The following FN1 variants were observed in gnomAD, a reference collection of about 807,000 sequenced individuals.
The protein encoded by FN1 is fibronectin.
In FN1, 106 loss-of-function variants were observed where a neutral mutation model predicts 297.3. That is an observed-to-expected ratio of 0.36 (90% CI 0.30 to 0.42). The LOEUF (loss-of-function observed/expected upper bound fraction) is 0.42, where lower values mean the gene tolerates loss of function less well. Ranked by LOEUF, FN1 falls within the 10% of genes least tolerant of loss-of-function variation. The pLI, the probability that FN1 is intolerant of heterozygous loss-of-function variation, is 1.00. For synonymous variants in FN1, 1,149 were observed against 1,152.6 expected (o/e 1.00, Z 0.06); for missense variants, 2,690 against 3,124.9 (o/e 0.86, Z 3.32).
At chr2:215,364,699 A>G (rs1233763266) in intron 44 of FN1, 180 bp downstream of exon 44, 3 of 633,558 alleles carry the variant, frequency 4.7e-6, no homozygotes, top group East Asian at 5.5e-5. Context: ...AATGAATGGC[A>G]TGTAAGGTAG....
chr2:215,384,216 G>A (rs768394380), intron 29 of FN1, 32 bp from the exon 30 acceptor site: 15 of 1,608,718 alleles, frequency 9.3e-6, no homozygotes, highest in African/African-American at 1.3e-5. Context: ...CAGAGTGTGA[G>A]GGGTTTAGAG....
At position 215,379,250 on chromosome 2, in the gene FN1, T is replaced by G. The variant is rs1273122061; in HGVS notation, c.5502A>C (p.Thr1834=). 6 of 1,614,038 alleles carry G rather than the reference T, an allele frequency of 3.7e-6. No homozygotes were observed. The highest frequency in any genetic ancestry group is 1.1e-5 in the South Asian group (1 of 91,080). Residue 1834 remains threonine (T), a synonymous_variant, in exon 34 of 46, where the codon ACA becomes ACC. Coordinates refer to ENST00000354785, the MANE Select transcript of FN1 (RefSeq NM_212482.4). ...ATCCAGTGAGCTGAACATTGGGTGG[T>G]GTCCACTGGGCGCTCAGGCTTGTGG... is the stretch of plus-strand genomic sequence containing the variant. ...VTPTSLSAQW[T]PPNVQLTGYR...
At chr2:215,433,536 G>A in intron 2 of FN1, 75 bp from the exon 3 acceptor site, 1 of 1,439,200 alleles carries the variant, frequency 6.9e-7, no homozygotes, top group Non-Finnish European at 9.6e-7. Flanking sequence ...CCCTCTAAAG[G>A]AAAACCCACT....
intron 17 of FN1, 150 bp downstream of exon 17, chr2:215,407,958 A>ACC: frequency 1.1e-5 from 1 of 92,288 alleles, no homozygotes; most frequent in South Asian, 2.1e-4. Context: ...CCCCCGCCAC[A>ACC]CACACACACA....
At position 215,396,989 on chromosome 2, in the gene FN1, A is replaced by G. The variant is rs1575529504; in HGVS notation, c.3604+148T>C. On this transcript the variant is annotated intron_variant, in intron 23 of 45. Transcript: ENST00000354785. The stretch of plus-strand genomic sequence containing the variant: ...AAAGCATCCTGCAGGCTGCTCCATG[A>G]TGTACATCATGTACTGCTATAGTTT... 4.1e-6 allele frequency: 3 copies of G among 737,502 alleles called. No homozygotes were observed. In the East Asian group the frequency reaches 7.5e-5, roughly 18 times the overall value. 45.7% of individuals were successfully genotyped at this position (737,502 alleles called of 1,614,324 possible).
At chr2:215,410,671 C>T (rs537412440) in intron 13 of FN1, among the ~76,000 whole-genome samples, 2 of 152,172 alleles carry the variant, frequency 1.3e-5, no homozygotes, top group African/African-American at 4.8e-5. Flanking sequence ...CCATGCCTGG[C>T]TAATTTTATA....
Position 215,431,849 on chromosome 2 carries a change from C to A in FN1, c.531G>T (p.Trp177Cys). The A allele has an allele frequency of 6.2e-7, 1 of 1,614,162 alleles. No homozygotes were observed. The highest frequency in any genetic ancestry group is 8.5e-7 in the Non-Finnish European group (1 of 1,180,026). The stretch of plus-strand genomic sequence containing the variant: ...CTCACACACCTATGGGCTTGCAGGT[C>A]CATTCTCCTTTTCCATTACCAAGAC... ...CVCLGNGKGE[W>C]TCKPIAEKCF... The change falls in exon 4 of 46, where the codon TGG (tryptophan) becomes TGT (cysteine). Residue 177 changes from tryptophan to cysteine, a missense_variant. By Grantham distance (215) the Trp-to-Cys change is radical (BLOSUM62 -2). This residue lies in a region of FN1 where 876 missense variants were observed against 1,058.1 expected (regional missense o/e 0.83). Transcript: ENST00000354785.
At chr2:215,384,760 G>T in intron 29 of FN1, 100 bp downstream of exon 29, 2 of 856,598 alleles carry the variant, frequency 2.3e-6, no homozygotes, top group Non-Finnish European at 4.0e-6. Flanking sequence ...GAATGGACTT[G>T]CCAAAGTTTC....
intron 28 of FN1, among the ~76,000 whole-genome samples, chr2:215,385,463 G>A (rs1482763560): frequency 6.6e-6 from 1 of 151,306 alleles, no homozygotes; most frequent in South Asian, 2.1e-4. Flanking sequence ...TTGGGAGGCT[G>A]AGGCAAGAGA....
In FN1 at chr2:215,365,399, C is replaced by T. The variant is rs959581390; in HGVS notation, c.7144+106G>A. The T allele has an allele frequency of 8.9e-6, 11 of 1,234,840 alleles. No individual in the cohort carries two copies. The African/African-American group carries it at 1.0e-4, about 12-fold the overall frequency. 76.5% of individuals were successfully genotyped at this position (1,234,840 alleles called of 1,614,324 possible). A position where few individuals can be genotyped will look rare whatever the true frequency, so the allele number is the denominator to read the frequency against. ...ATTAAGAAACCCACTGTTCACTCCT[C>T]AAGGAGACCTAAAGTCTCCAATCAT... On this transcript the variant is annotated intron_variant, in intron 43 of 45. Coordinates refer to ENST00000354785, the MANE Select transcript of FN1 (RefSeq NM_212482.4).
At position 215,406,248 on chromosome 2, in the gene FN1, T is replaced by C. The variant is rs1172239031; in HGVS notation, c.2976A>G (p.Gln992=). The part of the protein sequence containing the change: ...HGRESKPLTA[Q]QTTKLDAPTN... ...TAGGAGAAGACATACTGGTTGTCTG[T>C]TGAGCAGTCAGAGGCTTGCTCTCCC... The change falls in exon 19 of 46, where the codon CAA becomes CAG. Residue 992 remains glutamine (Q), a synonymous_variant. Coordinates refer to ENST00000354785, the MANE Select transcript of FN1 (RefSeq NM_212482.4). The C allele has an allele frequency of 1.2e-6, 2 of 1,614,134 alleles. No individual in the cohort carries two copies. Among genetic ancestry groups the C allele is most frequent in the Admixed American group, 1.7e-5 (1 of 60,018 alleles).
intron 10 of FN1, 161 bp from the exon 11 acceptor site, chr2:215,420,962 T>C: frequency 2.6e-6 from 2 of 781,422 alleles, no homozygotes; most frequent in Non-Finnish European, 4.1e-6. Context: ...TTTTTCAAAG[T>C]TTGGTCAGTA....
In FN1 at chr2:215,361,563, G is replaced by A. The variant is rs146924311; in HGVS notation, c.7426C>T (p.Arg2476Ter). 6.9e-6 allele frequency: 11 copies of A among 1,603,944 alleles called. No individual in the cohort carries two copies. The highest frequency in any genetic ancestry group is 1.7e-4 in the Middle Eastern group (1 of 6,038). Residue 2476 changes from arginine to a stop codon, truncating the protein, a stop_gained, in exon 46 of 46, where the codon CGA becomes TGA. Coordinates refer to ENST00000354785, the MANE Select transcript of FN1 (RefSeq NM_212482.4). LOFTEE classifies it high-confidence loss of function. ...TGGATTGGAAAGATGATTTACTCTC[G>A]GGAATCTTCTCTGTCAGCCTGTACA... ...LDVQADREDSRE is the reference protein window; with the variant it reads ...LDVQADREDS
intron 41 of FN1, among the ~76,000 whole-genome samples, chr2:215,370,008 C>CA (rs1484123939): frequency 2.0e-5 from 3 of 152,192 alleles, no homozygotes; most frequent in Admixed American, 6.5e-5. Context: ...AGTAAGGACT[C>CA]AGAGTGTTGT....
At chr2:215,379,717 A>G in intron 33 of FN1, 1 of 246,242 alleles carries the variant, frequency 4.1e-6, no homozygotes, top group Non-Finnish European at 8.0e-6. Context: ...TAATTTAGAA[A>G]CGGTCTCTCT....
At chr2:215,424,123 T>C (rs2106440332) in intron 8 of FN1, 23 bp downstream of exon 8, 4 of 1,612,354 alleles carry the variant, frequency 2.5e-6, no homozygotes, top group Non-Finnish European at 2.5e-6. Context: ...CTCACTTCTG[T>C]GGCTCCCCCT....
chr2:215,365,461 G>C (rs1031354568), intron 43 of FN1, 44 bp downstream of exon 43: 3 of 1,598,380 alleles, frequency 1.9e-6, no homozygotes, highest in Non-Finnish European at 2.6e-6. Flanking sequence ...TAATGAAAGT[G>C]AGAATGCTTA....
At chr2:215,413,431 A>C (rs753535018) in intron 13 of FN1, among the ~76,000 whole-genome samples, 3 of 152,172 alleles carry the variant, frequency 2.0e-5, no homozygotes, top group Non-Finnish European at 4.4e-5. Flanking sequence ...ATTTGGGTTT[A>C]TTATACATTC....
At position 215,361,439 on chromosome 2, in the gene FN1, A is replaced by T; in HGVS notation, c.*116T>A. ...GAGCTGAAGCTGGAGAACTTCCTCC[A>T]GAGCAAAGGGCTTAAGAAAGAAAGA... is the stretch of plus-strand genomic sequence containing the variant. On this transcript the variant is annotated 3_prime_UTR_variant, in exon 46 of 46. Transcript: ENST00000354785. 1.2e-6 allele frequency: 1 copy of T among 829,304 alleles called. No homozygotes were observed. The highest frequency in any genetic ancestry group is 2.1e-6 in the Non-Finnish European group (1 of 465,608). The allele number at this position is 829,304 out of a possible 1,614,324, so 51.4% of individuals were successfully genotyped here.
Sources: gnomAD v4.1 joint callset for allele counts (sites outside exome capture counted in the v4.1 genomes callset) on GRCh38, gnomAD v4.1.1 for gene constraint, gnomAD v4.1.1 regional missense constraint, MANE v1.5 for transcripts, NCBI Gene and HGNC (gene_info 2026-07-23, HGNC 2026-07-21) for gene names.